Variants in GNB1 observed in about 807,000 individuals in gnomAD.
GNB1 encodes guanine nucleotide-binding protein G(I)/G(S)/G(T) subunit beta-1.
A neutral mutation model predicts 42.9 loss-of-function variants in GNB1; 2 were observed. The ratio of observed to expected loss-of-function variants is 0.05; its 90% CI spans 0.02 to 0.15. GNB1 has a LOEUF of 0.15. Ranked by LOEUF, GNB1 falls within the 10% of genes least tolerant of loss-of-function variation. The probability of loss-of-function intolerance (pLI) is 1.00; values close to 1 mark genes in which losing one functional copy is unlikely to be tolerated. For synonymous variants in GNB1, 183 were observed against 174.7 expected (o/e 1.05, Z -0.38); for missense variants, 193 against 462.2 (o/e 0.42, Z 5.34).
chr1:1,836,717 A>AT (rs1416788859), intron 2 of GNB1, among the ~76,000 whole-genome samples: 3 of 151,964 alleles, frequency 2.0e-5, no homozygotes, highest in South Asian at 2.1e-4. Context: ...CACCTAGCTA[A>AT]TTTTTGTATT....
At chr1:1,841,002 C>T (rs769355650) in intron 1 of GNB1, among the ~76,000 whole-genome samples, 2 of 152,168 alleles carry the variant, frequency 1.3e-5, no homozygotes, top group Non-Finnish European at 2.9e-5. Flanking sequence ...AGTGATTCTC[C>T]TGCCTCAGCC....
At chr1:1,864,385 G>C (rs1648807819) in intron 1 of GNB1, among the ~76,000 whole-genome samples, 1 of 145,678 alleles carries the variant, frequency 6.9e-6, no homozygotes, top group South Asian at 2.2e-4. Flanking sequence ...GCCACAGAAA[G>C]AGATGGCTGT....
At chr1:1,848,963 G>T (rs1647833808) in intron 1 of GNB1, among the ~76,000 whole-genome samples, 1 of 152,212 alleles carries the variant, frequency 6.6e-6, no homozygotes, top group South Asian at 2.1e-4. Flanking sequence ...TGTTATTCAT[G>T]AGCCTCCATG....
At chr1:1,800,290 T>C (rs1557886797) in intron 7 of GNB1, among the ~76,000 whole-genome samples, 1 of 152,114 alleles carries the variant, frequency 6.6e-6, no homozygotes, top group Non-Finnish European at 1.5e-5. Flanking sequence ...AAATAAAACA[T>C]GCTATTATAC....
chr1:1,817,018 A>G (rs933837136), intron 4 of GNB1, among the ~76,000 whole-genome samples: 4 of 152,118 alleles, frequency 2.6e-5, no homozygotes, highest in Non-Finnish European at 4.4e-5. Flanking sequence ...ATTGTTGTAA[A>G]ACCACTGCCA....
At chr1:1,810,624 A>G (rs952418689) in intron 5 of GNB1, among the ~76,000 whole-genome samples, 1 of 151,702 alleles carries the variant, frequency 6.6e-6, no homozygotes, top group Non-Finnish European at 1.5e-5. Flanking sequence ...ATTAATACAT[A>G]CATACATAAC....
chr1:1,867,745 A>C (rs909266685), intron 1 of GNB1, among the ~76,000 whole-genome samples: 1 of 152,160 alleles, frequency 6.6e-6, no homozygotes, highest in African/African-American at 2.4e-5. Context: ...TGCTGTAGAT[A>C]TGTTCCGAAT....
chr1:1,813,943 G>A (rs1646815765), intron 5 of GNB1, among the ~76,000 whole-genome samples: 1 of 152,136 alleles, frequency 6.6e-6, no homozygotes, highest in Non-Finnish European at 1.5e-5. Context: ...GCTCTGTGGT[G>A]GGAACACTTA....
chr1:1,838,300 G>C (rs1185100690), intron 2 of GNB1, among the ~76,000 whole-genome samples: 1 of 152,132 alleles, frequency 6.6e-6, no homozygotes, highest in African/African-American at 2.4e-5. Flanking sequence ...TCAAAGAGTT[G>C]CAAGAATAAT....
intron 8 of GNB1, among the ~76,000 whole-genome samples, chr1:1,791,392 C>T (rs1476577195): frequency 6.6e-6 from 1 of 152,150 alleles, no homozygotes; most frequent in African/African-American, 2.4e-5. Flanking sequence ...TCAGACTGGT[C>T]TCGAACTCCT....
chr1:1,882,578 T>TA lies in GNB1; in HGVS notation c.-96+8241dup, dbSNP rs752362544. 8.6e-4 allele frequency among the ~76,000 whole-genome samples: 130 copies of TA among 151,526 alleles called. 1 individual carries two copies. The highest frequency in any genetic ancestry group is 2.7e-3 in the African/African-American group (110 of 41,282). ...GGACGTCAACAAATTTTGGTGAAAT[T>TA]AAAAAAAAATCTAGCTTCATAAATG... is the stretch of plus-strand genomic sequence containing the variant. On this transcript the variant is annotated intron_variant, in intron 1 of 11. Transcript: ENST00000378609.
rs78086130 is a variant in GNB1 at position 1,873,340 on chromosome 1, T to C, written c.-96+17480A>G. ...AGCCACTATGGGAGGAAGCCTGAGC[T>C]AGACTGTTGGAGAGGCAGGCTGAGG... On this transcript the variant is annotated intron_variant, in intron 1 of 11. Transcript: ENST00000378609. Among the ~76,000 whole-genome samples, 1,267 of 152,358 alleles carry C rather than the reference T, an allele frequency of 8.3e-3. 21 individuals carry two copies. Among genetic ancestry groups the C allele is most frequent in the African/African-American group, 0.029 (1,217 of 41,586 alleles).
At chr1:1,864,300 G>A (rs1424488163) in intron 1 of GNB1, among the ~76,000 whole-genome samples, 2 of 78,796 alleles carry the variant, frequency 2.5e-5, no homozygotes, top group Admixed American at 2.4e-4. Flanking sequence ...TGGGTGACAA[G>A]AGCAAGACTC....
chr1:1,864,757 T>C (rs756817735), intron 1 of GNB1, among the ~76,000 whole-genome samples: 4 of 152,244 alleles, frequency 2.6e-5, no homozygotes, highest in Non-Finnish European at 5.9e-5. Context: ...TAAGAGGTTA[T>C]ATTTTAGTTG....
chr1:1,882,164 T>C (rs1018708059), intron 1 of GNB1, among the ~76,000 whole-genome samples: 14 of 152,178 alleles, frequency 9.2e-5, no homozygotes, highest in Non-Finnish European at 1.5e-4. Context: ...GGTGCTAAAT[T>C]GGGGCCAGGC....
intron 1 of GNB1, among the ~76,000 whole-genome samples, chr1:1,841,369 G>A (rs151015586): frequency 6.6e-6 from 1 of 152,182 alleles, no homozygotes; most frequent in East Asian, 1.9e-4. Flanking sequence ...TAGTAGAGAT[G>A]GGGTTTCACT....
intron 5 of GNB1, among the ~76,000 whole-genome samples, chr1:1,815,204 C>A (rs571464953): frequency 6.6e-6 from 1 of 152,020 alleles, no homozygotes; most frequent in South Asian, 2.1e-4. Context: ...GAAGGCAGGG[C>A]AGACAGGCCA....
chr1:1,878,621 G>A (rs998847806), intron 1 of GNB1, among the ~76,000 whole-genome samples: 16 of 152,130 alleles, frequency 1.1e-4, no homozygotes, highest in African/African-American at 3.6e-4. Flanking sequence ...CTTTTCCACT[G>A]TCGCATAGGT....
rs1646472809 is a variant in GNB1 at position 1,790,871 on chromosome 1, G to A, written c.498-275C>T. ...CAACTCAAATGCCAGCAAACAGGGA[G>A]CTGGGGGCACTTTTCAAGCAGCACC... On this transcript the variant is annotated intron_variant, in intron 8 of 11. Transcript: ENST00000378609. This position sits in a 1 kb window ranked among gnomAD's most constrained non-coding sequence, Gnocchi z 5.4. 6.6e-6 allele frequency among the ~76,000 whole-genome samples: 1 copy of A among 152,164 alleles called. No individual in the cohort carries two copies. Among genetic ancestry groups the A allele is most frequent in the African/African-American group, 2.4e-5 (1 of 41,446 alleles).
Sources: allele counts gnomAD v4.1 joint callset (sites outside exome capture counted in the v4.1 genomes callset), GRCh38; gene constraint gnomAD v4.1.1; non-coding constraint Gnocchi (gnomAD v3.1); transcripts MANE v1.5; gene names NCBI Gene and HGNC (gene_info 2026-07-23, HGNC 2026-07-21).